The following ANXA4 variants were observed in gnomAD, a reference collection of about 807,000 sequenced individuals.
The protein encoded by ANXA4 is annexin A4.
ANXA4 carries 39 observed loss-of-function variants against 49.8 expected under a neutral mutation model. The observed-to-expected ratio is 0.78, with a 90% CI of 0.61 to 1.02. The LOEUF is 1.02. Ranked by LOEUF, ANXA4 falls within the 50% of genes least tolerant of loss-of-function variation. The probability of loss-of-function intolerance (pLI) is 0.00; values close to 1 mark genes in which losing one functional copy is unlikely to be tolerated. For synonymous variants in ANXA4, 134 were observed against 152.5 expected, an observed-to-expected ratio of 0.88 and a Z score of 0.89; for missense variants, 360 against 410.1, an observed-to-expected ratio of 0.88 and a Z score of 1.05.
chr2:69,718,484 C>T (rs1342395823), intron 2 of ANXA4, among the ~76,000 whole-genome samples: 1 of 152,198 alleles, frequency 6.6e-6, no homozygotes. Flanking sequence ...AAATGCTTAG[C>T]CAGAATTTGA....
At chr2:69,700,987 C>T (rs918242826) in intron 2 of ANXA4, among the ~76,000 whole-genome samples, 4 of 152,148 alleles carry the variant, frequency 2.6e-5, no homozygotes, top group African/African-American at 9.7e-5. Flanking sequence ...ATTCTCCTGC[C>T]TCAGCCTCCT....
rs10179152 is a variant in ANXA4, at chr2:69,768,435, G to T, written c.-46-13085G>T. Among the ~76,000 whole-genome samples, 736 of 152,256 alleles carry T rather than the reference G, an allele frequency of 4.8e-3. 4 individuals carry two copies. The highest frequency in any genetic ancestry group is 0.017 in the African/African-American group (695 of 41,544). On this transcript the variant is annotated intron_variant, in intron 1 of 12. Transcript: ENST00000394295. Reference sequence around the variant, plus strand: ...TGGGAGAGGACCATTGAGAAAGGTCGTAAAGTCTTTACAGCAGGAAGTTCA... The same window carrying T: ...TGGGAGAGGACCATTGAGAAAGGTCTTAAAGTCTTTACAGCAGGAAGTTCA...
At chr2:69,731,311 T>C (rs991077286) in intron 3 of ANXA4, among the ~76,000 whole-genome samples, 12 of 152,200 alleles carry the variant, frequency 7.9e-5, no homozygotes, top group Non-Finnish European at 1.8e-4. Context: ...GACTTTTCTA[T>C]CCATCTGCCA....
intron 2 of ANXA4, among the ~76,000 whole-genome samples, chr2:69,709,731 G>A (rs1678616064): frequency 6.6e-6 from 1 of 152,178 alleles, no homozygotes; most frequent in Admixed American, 6.5e-5. Context: ...AAGCTTTGGG[G>A]TGGTCTGTTA....
At chr2:69,743,328 C>T (rs947719194) in intron 1 of ANXA4, among the ~76,000 whole-genome samples, 5 of 152,162 alleles carry the variant, frequency 3.3e-5, no homozygotes, top group Non-Finnish European at 7.3e-5. Context: ...AGAGATTCTC[C>T]TGCCTCAGCC....
At chr2:69,645,044 T>A (rs1242076569) in intron 1 of ANXA4, 1 of 152,246 alleles carries the variant, frequency 6.6e-6, no homozygotes, top group African/African-American at 2.4e-5. Context: ...GGGTTATTGT[T>A]CATCTCTGCC....
intron 2 of ANXA4, among the ~76,000 whole-genome samples, chr2:69,693,673 A>G (rs1678055186): frequency 6.6e-6 from 1 of 152,168 alleles, no homozygotes; most frequent in African/African-American, 2.4e-5. Context: ...AAGCAGGCAC[A>G]AAGTAGGTTA....
At chr2:69,806,999 G>A (rs2103822728) in intron 5 of ANXA4, among the ~76,000 whole-genome samples, 1 of 152,230 alleles carries the variant, frequency 6.6e-6, no homozygotes, top group African/African-American at 2.4e-5. Context: ...TAAAGTAAAA[G>A]TTAAATTTTT....
At chr2:69,764,026 A>G (rs1271025567) in intron 1 of ANXA4, among the ~76,000 whole-genome samples, 2 of 152,172 alleles carry the variant, frequency 1.3e-5, no homozygotes, top group African/African-American at 2.4e-5. Context: ...AGACAACAAA[A>G]GATACCATCG....
chr2:69,697,412 G>A (rs1433986963), intron 2 of ANXA4, among the ~76,000 whole-genome samples: 1 of 152,200 alleles, frequency 6.6e-6, no homozygotes, highest in African/African-American at 2.4e-5. Context: ...GTTGTTGCTG[G>A]TTTGATCTTC....
chr2:69,818,699 G>A lies in ANXA4; in HGVS notation c.724+5G>A, dbSNP rs1370935901. 6.3e-7 allele frequency: 1 copy of A among 1,583,494 alleles called. No individual in the cohort carries two copies. ...AAGATGCTCTGCTGGCTATAGGTAAGCTGGTAGGGGGAGTAGAGAAACAAA... is the reference window on the plus strand; with the variant it reads ...AAGATGCTCTGCTGGCTATAGGTAAACTGGTAGGGGGAGTAGAGAAACAAA... On this transcript the variant is annotated splice_donor_5th_base_variant and intron_variant, in intron 10 of 12. Coordinates refer to ENST00000394295, the MANE Select transcript of ANXA4 (RefSeq NM_001153.5).
chr2:69,793,218 C>T (rs1353341907), intron 3 of ANXA4, among the ~76,000 whole-genome samples: 1 of 141,586 alleles, frequency 7.1e-6, no homozygotes, highest in Admixed American at 8.1e-5. Flanking sequence ...CACTACTGCA[C>T]TCCAGTCTGG....
intron 2 of ANXA4, among the ~76,000 whole-genome samples, chr2:69,666,788 G>A (rs1676954716): frequency 1.3e-5 from 2 of 152,180 alleles, no homozygotes; most frequent in Admixed American, 1.3e-4. Flanking sequence ...GCTCATGCCT[G>A]TAATCCCAGC....
intron 3 of ANXA4, among the ~76,000 whole-genome samples, chr2:69,724,101 CAA>C (rs943173930): frequency 4.6e-5 from 7 of 152,014 alleles, no homozygotes; most frequent in African/African-American, 1.7e-4. Flanking sequence ...GCCCGGGCAA[CAA>C]GAGTGAAACT....
intron 1 of ANXA4, among the ~76,000 whole-genome samples, chr2:69,651,648 T>G (rs555433843): frequency 4.0e-5 from 6 of 150,366 alleles, no homozygotes; most frequent in African/African-American, 9.8e-5. Flanking sequence ...GACTACAGGC[T>G]CCCACCACCA....
Position 69,820,758 on chromosome 2 carries a change from C to G in ANXA4, c.843C>G (p.Asp281Glu). 1 of 1,614,082 alleles carries G rather than the reference C, an allele frequency of 6.2e-7. No homozygotes were observed. Among genetic ancestry groups the G allele is most frequent in the South Asian group, 1.1e-5 (1 of 91,086 alleles). Residue 281 changes from aspartate to glutamate, a missense_variant, in exon 12 of 13, where the codon GAC (aspartate) becomes GAG (glutamate). Physicochemically the swap from Asp to Glu is conservative, Grantham distance 45. Coordinates refer to ENST00000394295, the MANE Select transcript of ANXA4 (RefSeq NM_001153.5). Reference protein sequence around the residue: ...IRVMVSRAEIDMLDIRAHFKR... With the variant: ...IRVMVSRAEIEMLDIRAHFKR... ...TGATGGTTTCTCGAGCAGAAATTGA[C>G]ATGTTGGATATCCGGGCACACTTCA...
chr2:69,656,998 ATT>A (rs140897969), intron 2 of ANXA4, among the ~76,000 whole-genome samples: 23 of 135,654 alleles, frequency 1.7e-4, no homozygotes, highest in East Asian at 2.2e-4. Flanking sequence ...CACTATATTC[ATT>A]TTTTTTTTTT....
At chr2:69,740,490 G>A (rs1233143601), upstream of ANXA4, among the ~76,000 whole-genome samples, 2 of 151,964 alleles carry the variant, frequency 1.3e-5, no homozygotes, top group Non-Finnish European at 2.9e-5. Flanking sequence ...GTCTCACCCT[G>A]TCGCCCAGGC....
intron 1 of ANXA4, among the ~76,000 whole-genome samples, chr2:69,772,218 G>T (rs537932722): frequency 6.6e-6 from 1 of 152,262 alleles, no homozygotes; most frequent in South Asian, 2.1e-4. Flanking sequence ...TAATTATTTC[G>T]CCCCATCTGT....
Sources: gnomAD v4.1 joint callset for allele counts (sites outside exome capture counted in the v4.1 genomes callset) on GRCh38, gnomAD v4.1.1 for gene constraint, MANE v1.5 for transcripts, NCBI Gene and HGNC (gene_info 2026-07-23, HGNC 2026-07-21) for gene names.